Variants in SLC9C2 observed in about 807,000 individuals in gnomAD.
SLC9C2 encodes sodium/hydrogen exchanger 11.
In SLC9C2, 75 loss-of-function variants were observed where a neutral mutation model predicts 140.2. That is an observed-to-expected ratio of 0.53 (90% CI 0.44 to 0.65). The LOEUF (loss-of-function observed/expected upper bound fraction) is 0.65. Among genes scored for constraint, SLC9C2 ranks in the 30% least tolerant of loss-of-function variants. SLC9C2 has a pLI of 0.00. For synonymous variants in SLC9C2, 375 were observed against 420.9 expected (o/e 0.89, Z 1.34); for missense variants, 1,074 against 1,331.8 (o/e 0.81, Z 3.01).
chr1:173,547,857 G>T, intron 12 of SLC9C2, 73 bp from the exon 13 acceptor site: 1 of 1,030,756 alleles, frequency 9.7e-7, no homozygotes, highest in Non-Finnish European at 1.5e-6. Flanking sequence ...ATTAGGAACT[G>T]GCAAATACTA....
chr1:173,551,563 C>T (rs992136223), intron 11 of SLC9C2, among the ~76,000 whole-genome samples: 13 of 152,152 alleles, frequency 8.5e-5, no homozygotes, highest in Admixed American at 2.0e-4. Flanking sequence ...GTAATTCTCA[C>T]AATATTTCAA....
chr1:173,521,247 T>C (rs1660785213), intron 22 of SLC9C2, 54 bp downstream of exon 22: 1 of 984,870 alleles, frequency 1.0e-6, no homozygotes, highest in African/African-American at 1.8e-5. Context: ...TACAATTACA[T>C]GTTTCAAAAT....
intron 15 of SLC9C2, among the ~76,000 whole-genome samples, chr1:173,535,488 C>G (rs1250643131): frequency 6.6e-6 from 1 of 152,142 alleles, no homozygotes; most frequent in Non-Finnish European, 1.5e-5. Context: ...TTAAACAGAG[C>G]TAGATCTAGT....
chr1:173,565,848 T>G (rs1225606962), intron 9 of SLC9C2, among the ~76,000 whole-genome samples: 1 of 152,186 alleles, frequency 6.6e-6, no homozygotes, highest in Non-Finnish European at 1.5e-5. Flanking sequence ...GAACGTGGAA[T>G]GTCTTTTTTT....
intron 13 of SLC9C2, among the ~76,000 whole-genome samples, chr1:173,544,958 T>A (rs529220007): frequency 6.6e-6 from 1 of 152,164 alleles, no homozygotes; most frequent in Non-Finnish European, 1.5e-5. Flanking sequence ...TATACGTATG[T>A]AACAAACCTG....
chr1:173,589,033 T>C (rs1400244735), intron 4 of SLC9C2, among the ~76,000 whole-genome samples: 1 of 152,110 alleles, frequency 6.6e-6, no homozygotes, highest in Non-Finnish European at 1.5e-5. Context: ...AACCATGATA[T>C]TACCACTGCA....
At chr1:173,522,758 TC>T (rs1280971322) in intron 21 of SLC9C2, among the ~76,000 whole-genome samples, 1 of 152,176 alleles carries the variant, frequency 6.6e-6, no homozygotes, top group Admixed American at 6.5e-5. Context: ...CTTCATGTGC[TC>T]TCTCCAGCTC....
At chr1:173,570,505 G>A (rs1664773444) in intron 9 of SLC9C2, among the ~76,000 whole-genome samples, 1 of 152,108 alleles carries the variant, frequency 6.6e-6, no homozygotes, top group Non-Finnish European at 1.5e-5. Context: ...TGCGCTGCTT[G>A]AGGCTGTGGG....
At chr1:173,545,522 CT>C (rs1391345637) in intron 13 of SLC9C2, among the ~76,000 whole-genome samples, 1 of 152,164 alleles carries the variant, frequency 6.6e-6, no homozygotes, top group Non-Finnish European at 1.5e-5. Context: ...TTGATCATCA[CT>C]GAATATTGGG....
At chr1:173,585,949 T>C (rs931561912) in intron 5 of SLC9C2, among the ~76,000 whole-genome samples, 1 of 151,792 alleles carries the variant, frequency 6.6e-6, no homozygotes, top group Admixed American at 6.6e-5. Flanking sequence ...GCCTGGGGTA[T>C]AGAGCGAAAC....
At chr1:173,602,235 G>C (rs1245761345) in intron 1 of SLC9C2, among the ~76,000 whole-genome samples, 1 of 152,022 alleles carries the variant, frequency 6.6e-6, no homozygotes, top group Non-Finnish European at 1.5e-5. Flanking sequence ...ATATTTGATG[G>C]GCTGAACTAT....
intron 9 of SLC9C2, among the ~76,000 whole-genome samples, chr1:173,568,876 T>C (rs1056109581): frequency 7.9e-5 from 12 of 152,244 alleles, no homozygotes; most frequent in African/African-American, 2.9e-4. Context: ...TCTATGTTTT[T>C]GTGTGTACCT....
At chr1:173,543,174 A>C (rs1662570390) in intron 13 of SLC9C2, among the ~76,000 whole-genome samples, 1 of 151,962 alleles carries the variant, frequency 6.6e-6, no homozygotes, top group South Asian at 2.1e-4. Flanking sequence ...AGGATACAAA[A>C]TCAATGTGCA....
rs571785161 is a variant in SLC9C2 at position 173,561,014 on chromosome 1, T to C, written c.1047-3506A>G. 2.2e-4 allele frequency among the ~76,000 whole-genome samples: 34 copies of C among 152,296 alleles called. No individual in the cohort carries two copies. In the South Asian group the frequency reaches 7.0e-3, roughly 32 times the overall value. ...TTTCACCATGTTGGCCAGGCTTGTC[T>C]TGAACTCTTGACCTCACATGATCCA... On this transcript the variant is annotated intron_variant, in intron 9 of 27. Coordinates refer to ENST00000367714, the MANE Select transcript of SLC9C2 (RefSeq NM_178527.4).
At position 173,524,848 on chromosome 1, in the gene SLC9C2, A is replaced by C; in HGVS notation, c.2445T>G (p.Ala815=). ...AACAAAGGAAGGTGAGATTTTTTAGAGCTTTAGCAATCACATTCCGGATTG... is the reference window on the plus strand; with the variant it reads ...AACAAAGGAAGGTGAGATTTTTTAGCGCTTTAGCAATCACATTCCGGATTG... The part of the protein sequence containing the change: ...KQAIRNVIAK[A]LKNLTFLCSR... Residue 815 remains alanine (A), a synonymous_variant, in exon 20 of 28, where the codon GCT becomes GCG. Coordinates refer to ENST00000367714, the MANE Select transcript of SLC9C2 (RefSeq NM_178527.4). 1 of 1,614,068 alleles carries C rather than the reference A, an allele frequency of 6.2e-7. No individual in the cohort carries two copies. Among genetic ancestry groups the C allele is most frequent in the Non-Finnish European group, 8.5e-7 (1 of 1,179,968 alleles).
chr1:173,535,240 G>A (rs1347559559), intron 15 of SLC9C2, among the ~76,000 whole-genome samples: 1 of 152,052 alleles, frequency 6.6e-6, no homozygotes, highest in Non-Finnish European at 1.5e-5. Flanking sequence ...AAATTTAGCA[G>A]CATTAACGCC....
chr1:173,588,348 C>T (rs1368744191), intron 4 of SLC9C2, among the ~76,000 whole-genome samples: 1 of 152,180 alleles, frequency 6.6e-6, no homozygotes, highest in Non-Finnish European at 1.5e-5. Flanking sequence ...TTTCTATGCA[C>T]ACATTGTTTA....
At chr1:173,516,262 C>T (rs533380111) in intron 23 of SLC9C2, among the ~76,000 whole-genome samples, 1 of 152,310 alleles carries the variant, frequency 6.6e-6, no homozygotes, top group African/African-American at 2.4e-5. Flanking sequence ...GAATAGATAA[C>T]TTCTTACTTA....
rs765806322 is a variant in SLC9C2, at chr1:173,546,840, G to A, written c.1557+849C>T. On this transcript the variant is annotated intron_variant, in intron 13 of 27. Transcript: ENST00000367714. ...ATTATTGTTCACTTTTAAGTATAAT[G>A]TTAGTATTTTATGTTTTTAAAAATA... Among the ~76,000 whole-genome samples, 14 of 152,142 alleles carry A rather than the reference G, an allele frequency of 9.2e-5. No homozygotes were observed. In the Middle Eastern group the frequency reaches 0.014, roughly 148 times the overall value.
Sources: allele counts gnomAD v4.1 joint callset (sites outside exome capture counted in the v4.1 genomes callset), GRCh38; gene constraint gnomAD v4.1.1; transcripts MANE v1.5; gene names NCBI Gene and HGNC (gene_info 2026-07-23, HGNC 2026-07-21).